Variants in MEI4 observed in about 807,000 individuals in gnomAD.
MEI4 encodes the protein meiotic double-stranded break formation protein 4, also known as meiosis-specific protein MEI4.
Under a neutral mutation model 31.4 loss-of-function variants are expected in MEI4, and 27 were observed. That is an observed-to-expected ratio of 0.86 (90% CI 0.63 to 1.19). The LOEUF is 1.19. Ranked by LOEUF, MEI4 falls within the 50% of genes most tolerant of loss-of-function variation. The pLI, the probability that MEI4 is intolerant of heterozygous loss-of-function variation, is 0.00. For missense variants in MEI4, 329 were observed against 398.9 expected, an observed-to-expected ratio of 0.82 and a Z score of 1.49; for synonymous variants, 122 against 145.4, an observed-to-expected ratio of 0.84 and a Z score of 1.16.
chr6:77,779,516 C>T (rs1346895560), intron 3 of MEI4, among the ~76,000 whole-genome samples: 1 of 152,040 alleles, frequency 6.6e-6, no homozygotes, highest in African/African-American at 2.4e-5. Context: ...ATAAATAATC[C>T]AAAATAATAA....
chr6:77,843,269 A>G (rs1770407516), intron 4 of MEI4, among the ~76,000 whole-genome samples: 1 of 151,978 alleles, frequency 6.6e-6, no homozygotes, highest in Non-Finnish European at 1.5e-5. Flanking sequence ...CAAATTATAT[A>G]AAATTTCATA....
At chr6:77,780,137 A>T (rs1361880664) in intron 3 of MEI4, among the ~76,000 whole-genome samples, 1 of 152,138 alleles carries the variant, frequency 6.6e-6, no homozygotes, top group African/African-American at 2.4e-5. Context: ...AAGTTATAGG[A>T]AATAGACACA....
intron 2 of MEI4, among the ~76,000 whole-genome samples, chr6:77,751,436 A>T (rs1182959950): frequency 6.6e-6 from 1 of 152,174 alleles, no homozygotes; most frequent in Admixed American, 6.5e-5. Context: ...GATAAAGGGG[A>T]TATCACCATG....
intron 4 of MEI4, among the ~76,000 whole-genome samples, chr6:77,834,882 A>G (rs1369890724): frequency 1.3e-5 from 2 of 152,284 alleles, no homozygotes. Flanking sequence ...TTAAGCCCAT[A>G]TAAGTAAACA....
At chr6:77,842,609 G>C (rs967946927) in intron 4 of MEI4, among the ~76,000 whole-genome samples, 1 of 152,072 alleles carries the variant, frequency 6.6e-6, no homozygotes, top group Non-Finnish European at 1.5e-5. Context: ...TATCTGTAAT[G>C]ATGTCCACTT....
intron 3 of MEI4, among the ~76,000 whole-genome samples, chr6:77,823,539 G>A (rs1354210325): frequency 1.3e-5 from 2 of 152,098 alleles, no homozygotes; most frequent in African/African-American, 4.8e-5. Context: ...TAATAGCTAT[G>A]GTTGATACTG....
intron 4 of MEI4, among the ~76,000 whole-genome samples, chr6:77,910,908 A>C (rs1007827790): frequency 9.7e-5 from 14 of 143,936 alleles, no homozygotes; most frequent in Non-Finnish European, 1.5e-4. Flanking sequence ...TTTTATCCAC[A>C]TTCTCACCAG....
chr6:77,904,260 T>G (rs1766245139), intron 4 of MEI4, among the ~76,000 whole-genome samples: 1 of 152,172 alleles, frequency 6.6e-6, no homozygotes, highest in Non-Finnish European at 1.5e-5. Context: ...ATCTTATAGT[T>G]ATAACAGTAT....
Position 77,664,809 on chromosome 6 carries a change from A to G in MEI4, c.-15+11717A>G, listed in dbSNP as rs1398620030. Among the ~76,000 whole-genome samples the G allele has an allele frequency of 2.0e-5, 3 of 152,122 alleles. No homozygotes were observed. The East Asian group carries it at 5.8e-4, about 29-fold the overall frequency. On this transcript the variant is annotated intron_variant, in intron 1 of 4. Transcript: ENST00000684080. ...ACCGTTTGCCTTTTCTAAGACAAGAATTATTTAGATCTTGCAGGATGGAAA... is the reference window on the plus strand; with the variant it reads ...ACCGTTTGCCTTTTCTAAGACAAGAGTTATTTAGATCTTGCAGGATGGAAA...
chr6:77,903,270 C>G lies in MEI4; in HGVS notation c.901-19819C>G, dbSNP rs988436078. ...AAGTAGTGTCAAAGCAATGCACAAT[C>G]AGCACAAACACACTTCAAGTACTCA... On this transcript the variant is annotated intron_variant, in intron 4 of 4. Coordinates refer to ENST00000684080, the MANE Select transcript of MEI4 (RefSeq NM_001322247.2). 2.6e-5 allele frequency among the ~76,000 whole-genome samples: 4 copies of G among 152,214 alleles called. No homozygotes were observed. In the South Asian group the frequency reaches 8.3e-4, roughly 32 times the overall value.
At chr6:77,798,586 C>T (rs1187142932) in intron 3 of MEI4, among the ~76,000 whole-genome samples, 1 of 151,280 alleles carries the variant, frequency 6.6e-6, no homozygotes, top group African/African-American at 2.4e-5. Flanking sequence ...TAGTGTGCTG[C>T]ACCCATTAAC....
intron 2 of MEI4, among the ~76,000 whole-genome samples, chr6:77,734,659 T>A (rs1157672028): frequency 2.0e-5 from 3 of 152,058 alleles, no homozygotes; most frequent in Non-Finnish European, 4.4e-5. Context: ...TATTATTATG[T>A]GTGAATTTGA....
intron 2 of MEI4, among the ~76,000 whole-genome samples, chr6:77,752,184 A>C (rs1319424832): frequency 1.3e-5 from 2 of 152,204 alleles, no homozygotes; most frequent in African/African-American, 4.8e-5. Context: ...CAAAAACTAG[A>C]GGCATTCCCT....
chr6:77,726,254 A>G (rs1766818027), intron 2 of MEI4, among the ~76,000 whole-genome samples: 1 of 150,842 alleles, frequency 6.6e-6, no homozygotes, highest in East Asian at 2.0e-4. Context: ...GTAAGGTCAC[A>G]GAATCTCAAG....
In MEI4 at chr6:77,756,233, C is replaced by G. The variant is rs143532597; in HGVS notation, c.233-4897C>G. Among the ~76,000 whole-genome samples, 213 of 152,248 alleles carry G rather than the reference C, an allele frequency of 1.4e-3. 1 individual carries two copies. Among genetic ancestry groups the G allele is most frequent in the African/African-American group, 4.5e-3 (187 of 41,552 alleles). On this transcript the variant is annotated intron_variant, in intron 2 of 4. Coordinates refer to ENST00000684080, the MANE Select transcript of MEI4 (RefSeq NM_001322247.2). ...AATCTTTATGAATAAATATTTATGA[C>G]TATTATCAGATATTATAACCCATTA...
intron 3 of MEI4, among the ~76,000 whole-genome samples, chr6:77,766,046 C>T (rs1260693219): frequency 1.3e-5 from 2 of 151,958 alleles, no homozygotes; most frequent in East Asian, 1.9e-4. Context: ...TTATTAACAC[C>T]ATGACATTCC....
At chr6:77,911,468 C>A (rs1766433318) in intron 4 of MEI4, among the ~76,000 whole-genome samples, 1 of 151,794 alleles carries the variant, frequency 6.6e-6, no homozygotes, top group South Asian at 2.1e-4. Context: ...TCTGACCCTA[C>A]CTGCTATAGT....
intron 2 of MEI4, among the ~76,000 whole-genome samples, chr6:77,701,417 A>AGTGT (rs1465029963): frequency 6.6e-6 from 1 of 151,998 alleles, no homozygotes; most frequent in Non-Finnish European, 1.5e-5. Flanking sequence ...TTAAAATTTG[A>AGTGT]GTGTGTGTGC....
chr6:77,892,633 C>A (rs188071324), intron 4 of MEI4, among the ~76,000 whole-genome samples: 185 of 152,252 alleles, frequency 1.2e-3, no homozygotes, highest in Middle Eastern at 3.4e-3. Context: ...ATTACTCTCT[C>A]TGTCCTGGAG....
Sources: gnomAD v4.1 joint callset for allele counts (sites outside exome capture counted in the v4.1 genomes callset) on GRCh38, gnomAD v4.1.1 for gene constraint, MANE v1.5 for transcripts, NCBI Gene and HGNC (gene_info 2026-07-23, HGNC 2026-07-21) for gene names.